The following XIRP2 variants were observed in gnomAD, a reference collection of about 807,000 sequenced individuals.
XIRP2 encodes xin actin-binding repeat-containing protein 2.
XIRP2 carries 236 observed loss-of-function variants against 277.0 expected under a neutral mutation model. The ratio of observed to expected loss-of-function variants is 0.85; its 90% CI spans 0.77 to 0.95. The LOEUF is 0.95. Ranked by LOEUF, XIRP2 falls within the 40% of genes least tolerant of loss-of-function variation. XIRP2 has a pLI of 0.00. For missense variants in XIRP2, 4,640 were observed against 4,157.5 expected, an observed-to-expected ratio of 1.12 and a Z score of -3.19; for synonymous variants, 1,490 against 1,416.5, an observed-to-expected ratio of 1.05 and a Z score of -1.17.
intron 2 of XIRP2, among the ~76,000 whole-genome samples, chr2:167,032,942 G>A (rs1291010338): frequency 6.6e-6 from 1 of 152,012 alleles, no homozygotes; most frequent in Admixed American, 6.6e-5. Flanking sequence ...TCCCAATACT[G>A]GATATATACC....
intron 2 of XIRP2, among the ~76,000 whole-genome samples, chr2:167,073,573 A>C (rs892177808): frequency 5.3e-5 from 8 of 152,094 alleles, no homozygotes; most frequent in Non-Finnish European, 1.0e-4. Flanking sequence ...TTCATTATTT[A>C]GTTTCTCATT....
chr2:166,902,189 T>C (rs928957130), intron 1 of XIRP2, among the ~76,000 whole-genome samples: 1 of 152,116 alleles, frequency 6.6e-6, no homozygotes, highest in Non-Finnish European at 1.5e-5. Flanking sequence ...CATCATTACA[T>C]CAATTTAGTG....
intron 3 of XIRP2, among the ~76,000 whole-genome samples, chr2:167,147,462 T>C (rs1051503442): frequency 1.3e-5 from 2 of 152,174 alleles, no homozygotes; most frequent in Non-Finnish European, 2.9e-5. Context: ...CCTTGGACCA[T>C]GCTGTATCAG....
chr2:167,099,750 G>A (rs1558980051), intron 2 of XIRP2, among the ~76,000 whole-genome samples: 1 of 152,016 alleles, frequency 6.6e-6, no homozygotes, highest in Non-Finnish European at 1.5e-5. Context: ...GCTTCCCTTG[G>A]CTATGAGAGG....
intron 2 of XIRP2, among the ~76,000 whole-genome samples, chr2:166,928,338 A>C (rs1266690399): frequency 6.6e-6 from 1 of 152,086 alleles, no homozygotes; most frequent in Admixed American, 6.6e-5. Context: ...TGAGCTCTGA[A>C]AAAGCTTAGA....
At chr2:167,085,879 G>T (rs1397270841) in intron 2 of XIRP2, among the ~76,000 whole-genome samples, 3 of 152,108 alleles carry the variant, frequency 2.0e-5, no homozygotes, top group Non-Finnish European at 4.4e-5. Flanking sequence ...ACACTGAAGG[G>T]TCTTGACTCT....
intron 5 of XIRP2, among the ~76,000 whole-genome samples, chr2:167,233,885 A>T (rs1694827742): frequency 6.6e-6 from 1 of 151,710 alleles, no homozygotes; most frequent in African/African-American, 2.4e-5. Context: ...ACATCTACGT[A>T]AAACTTCTGA....
intron 2 of XIRP2, among the ~76,000 whole-genome samples, chr2:167,063,103 G>A (rs1689213137): frequency 6.6e-6 from 1 of 151,748 alleles, no homozygotes. Flanking sequence ...TCTAAAAACT[G>A]CTTTAGCTAC....
chr2:167,237,859 A>G (rs992897194), intron 5 of XIRP2, among the ~76,000 whole-genome samples: 1 of 152,224 alleles, frequency 6.6e-6, no homozygotes, highest in African/African-American at 2.4e-5. Context: ...TAATAGATGG[A>G]AAGACTTGTC....
intron 2 of XIRP2, among the ~76,000 whole-genome samples, chr2:166,972,545 C>T (rs960957654): frequency 6.6e-6 from 1 of 152,118 alleles, no homozygotes; most frequent in Non-Finnish European, 1.5e-5. Flanking sequence ...TGGGGAGGCA[C>T]TGATTAGTAG....
intron 2 of XIRP2, among the ~76,000 whole-genome samples, chr2:167,114,498 G>A (rs1264184282): frequency 6.6e-6 from 1 of 152,006 alleles, no homozygotes; most frequent in Non-Finnish European, 1.5e-5. Context: ...ACAATGTGCA[G>A]GTTAGTTACA....
At chr2:167,189,258 GCT>G (rs1259616153) in intron 3 of XIRP2, among the ~76,000 whole-genome samples, 1 of 151,832 alleles carries the variant, frequency 6.6e-6, no homozygotes, top group Non-Finnish European at 1.5e-5. Flanking sequence ...TCTCTCTTGT[GCT>G]CTCTCTCTCA....
At chr2:167,092,844 A>G (rs1690185353) in intron 2 of XIRP2, among the ~76,000 whole-genome samples, 1 of 152,164 alleles carries the variant, frequency 6.6e-6, no homozygotes, top group African/African-American at 2.4e-5. Flanking sequence ...TGATCCAGAA[A>G]AAGACAGCCC....
intron 2 of XIRP2, among the ~76,000 whole-genome samples, chr2:167,009,384 G>A (rs542558017): frequency 1.9e-4 from 29 of 151,896 alleles, no homozygotes; most frequent in African/African-American, 6.5e-4. Flanking sequence ...TCCCTACAAA[G>A]GACATGAACT....
intron 3 of XIRP2, among the ~76,000 whole-genome samples, chr2:167,161,707 A>T (rs1006799072): frequency 6.6e-6 from 1 of 152,072 alleles, no homozygotes; most frequent in Non-Finnish European, 1.5e-5. Context: ...TGCCTTGAAG[A>T]CCTCTGACAT....
chr2:167,087,098 T>C (rs1289096610), intron 2 of XIRP2, among the ~76,000 whole-genome samples: 1 of 152,036 alleles, frequency 6.6e-6, no homozygotes, highest in Non-Finnish European at 1.5e-5. Context: ...TCTTTGATGA[T>C]GGTGATGTAC....
chr2:167,240,741 G>A lies in XIRP2; in HGVS notation c.1042+5G>A, dbSNP rs1695041694. The A allele has an allele frequency of 6.2e-7, 1 of 1,612,570 alleles. No individual in the cohort carries two copies. The highest frequency in any genetic ancestry group is 8.5e-7 in the Non-Finnish European group (1 of 1,178,680). ...ATCAATATGTTCAAGAAACTGGTAA[G>A]AGTCTGGTATTATTGGTTCCAATAC... On this transcript the variant is annotated splice_donor_5th_base_variant and intron_variant, in intron 7 of 10. Coordinates refer to ENST00000409195, the MANE Select transcript of XIRP2 (RefSeq NM_152381.6).
intron 8 of XIRP2, 33 bp from the exon 9 acceptor site, chr2:167,242,536 C>A (rs1213676848): frequency 6.3e-7 from 1 of 1,578,512 alleles, no homozygotes; most frequent in African/African-American, 1.3e-5. Flanking sequence ...ACTACACTCA[C>A]CTTTATAAGA....
chr2:167,030,933 A>G (rs1396132099), intron 2 of XIRP2, among the ~76,000 whole-genome samples: 2 of 151,218 alleles, frequency 1.3e-5, no homozygotes, highest in African/African-American at 4.9e-5. Context: ...TGATCCCTTT[A>G]CCATTACATA....
Sources: gnomAD v4.1 joint callset for allele counts (sites outside exome capture counted in the v4.1 genomes callset) on GRCh38, gnomAD v4.1.1 for gene constraint, MANE v1.5 for transcripts, NCBI Gene and HGNC (gene_info 2026-07-23, HGNC 2026-07-21) for gene names.